Variants in NTNG2 observed in about 807,000 individuals in gnomAD.
NTNG2 encodes the protein netrin-G2.
A neutral mutation model predicts 47.6 loss-of-function variants in NTNG2; 15 were observed. That is an observed-to-expected ratio of 0.32 (90% CI 0.21 to 0.49). The LOEUF is 0.49. Ranked by LOEUF, NTNG2 falls within the 20% of genes least tolerant of loss-of-function variation. NTNG2 has a pLI of 0.99. For missense variants in NTNG2, 578 were observed against 764.6 expected, an observed-to-expected ratio of 0.76 and a Z score of 2.88; for synonymous variants, 307 against 324.6, an observed-to-expected ratio of 0.95 and a Z score of 0.58.
At chr9:132,202,843 C>T (rs1838879151) in intron 3 of NTNG2, among the ~76,000 whole-genome samples, 1 of 152,174 alleles carries the variant, frequency 6.6e-6, no homozygotes, top group African/African-American at 2.4e-5. Context: ...TGCAAAGCTC[C>T]TCAAGTGAGC....
In NTNG2 at chr9:132,162,564, GAC is replaced by G. The variant is rs1300289283; in HGVS notation, c.-484+327_-484+328del. 3.5e-5 allele frequency among the ~76,000 whole-genome samples: 5 copies of G among 141,368 alleles called. No homozygotes were observed. Among genetic ancestry groups the G allele is most frequent in the African/African-American group, 5.2e-5 (2 of 38,188 alleles). 92.7% of individuals were successfully genotyped at this position (141,368 alleles called of 152,430 possible). On this transcript the variant is annotated intron_variant, in intron 1 of 7. Transcript: ENST00000393229. This position sits in a 1 kb window ranked among gnomAD's most constrained non-coding sequence, Gnocchi z 4.6. ...TGTGTGTGTGTGTGTGTGAGAGAGA[GAC>G]AGAGTGTGTGTGTGTGTGTGTGTGT...
At chr9:132,177,206 C>T (rs913333555) in intron 2 of NTNG2, among the ~76,000 whole-genome samples, 8 of 152,190 alleles carry the variant, frequency 5.3e-5, no homozygotes, top group Non-Finnish European at 1.0e-4. Context: ...AGGCTGGTCT[C>T]GAACTCCTGG....
intron 5 of NTNG2, chr9:132,238,854 C>T (rs1650222901): frequency 1.7e-6 from 1 of 578,500 alleles, no homozygotes; most frequent in African/African-American, 1.9e-5. Flanking sequence ...CCCTGGTTCC[C>T]TGCCCACAGG....
At chr9:132,191,837 C>G (rs891643236) in intron 2 of NTNG2, among the ~76,000 whole-genome samples, 1 of 152,214 alleles carries the variant, frequency 6.6e-6, no homozygotes, top group African/African-American at 2.4e-5. Context: ...TCCCAGAGTG[C>G]TTGGATTACG....
intron 2 of NTNG2, among the ~76,000 whole-genome samples, chr9:132,174,364 G>A (rs75287598): frequency 8.9e-5 from 13 of 145,576 alleles, no homozygotes; most frequent in Admixed American, 2.7e-4. Flanking sequence ...CAGATTAGAC[G>A]GACAGATGGA....
At chr9:132,230,671 G>T (rs1790128382) in intron 5 of NTNG2, 76 bp downstream of exon 5, 4 of 1,474,716 alleles carry the variant, frequency 2.7e-6, no homozygotes, top group Non-Finnish European at 2.8e-6. Flanking sequence ...AAAAGCTGGA[G>T]AGAAAAAAGG....
chr9:132,169,742 G>A (rs1009229341), intron 2 of NTNG2, among the ~76,000 whole-genome samples: 4 of 152,188 alleles, frequency 2.6e-5, no homozygotes, highest in African/African-American at 4.8e-5. Context: ...CCGTGCTGCC[G>A]TGGTACGTGC....
chr9:132,242,057 C>T lies in NTNG2; in HGVS notation c.1539C>T (p.Ala513=). Residue 513 remains alanine, a synonymous_variant, in exon 8 of 8, where the codon GCC becomes GCT. Transcript: ENST00000393229. The surrounding 1 kb of genome is among the most constrained non-coding windows in gnomAD (Gnocchi z 5.9). ...CGCCCGGGGCCGCCCCGCGCCCCGC[C>T]ACCCTGCTCGGCTGCCTGCTGCTGC... The part of the protein sequence containing the change: ...DRAPGAAPRP[A]TLLGCLLLLG... The T allele has an allele frequency of 2.4e-6, 3 of 1,243,852 alleles. No individual in the cohort carries two copies. Among genetic ancestry groups the T allele is most frequent in the Non-Finnish European group, 2.0e-6 (2 of 996,980 alleles). The allele number at this position is 1,243,852 out of a possible 1,614,324, so 77.1% of individuals were successfully genotyped here. A position where few individuals can be genotyped will look rare whatever the true frequency, so the allele number is the denominator to read the frequency against.
intron 2 of NTNG2, among the ~76,000 whole-genome samples, chr9:132,181,971 TGTGC>T (rs1460751048): frequency 1.3e-5 from 2 of 152,178 alleles, no homozygotes; most frequent in East Asian, 3.9e-4. Context: ...TGTGTGTGTG[TGTGC>T]GTGCGTGCAG....
intron 3 of NTNG2, among the ~76,000 whole-genome samples, chr9:132,220,461 C>CTT (rs201197800): frequency 9.2e-4 from 127 of 137,494 alleles, no homozygotes; most frequent in Middle Eastern, 7.6e-3. Flanking sequence ...TTTCCTTCTT[C>CTT]TTTTTTTTTT....
intron 2 of NTNG2, among the ~76,000 whole-genome samples, chr9:132,174,472 T>C (rs576364824): frequency 6.6e-6 from 1 of 152,204 alleles, no homozygotes; most frequent in African/African-American, 2.4e-5. Flanking sequence ...ACTTCTGGGA[T>C]GTGGGACTTG....
intron 2 of NTNG2, among the ~76,000 whole-genome samples, chr9:132,185,684 G>A (rs1021820853): frequency 3.3e-5 from 5 of 151,192 alleles, no homozygotes; most frequent in South Asian, 2.1e-4. Flanking sequence ...CTTCTCTCCC[G>A]TTCTTTCATC....
chr9:132,198,357 G>T lies in NTNG2; in HGVS notation c.605G>T (p.Trp202Leu). 6.2e-7 allele frequency: 1 copy of T among 1,612,908 alleles called. No individual in the cohort carries two copies. ...CTCTGCACCGAGGAGTACTCGCGCT[G>T]GGCAGGCTCCAAGAAGGAGAAGCAC... ...RVLCTEEYSR[W>L]AGSKKEKHVR... Residue 202 changes from tryptophan (W) to leucine (L), a missense_variant, in exon 3 of 8, where the codon TGG becomes TTG. Coordinates refer to ENST00000393229, the MANE Select transcript of NTNG2 (RefSeq NM_032536.4).
rs564790182 is a variant in NTNG2 at position 132,226,906 on chromosome 9, C to T, written c.915C>T (p.Cys305=). 10 of 1,612,664 alleles carry T rather than the reference C, an allele frequency of 6.2e-6. No homozygotes were observed. Among genetic ancestry groups the T allele is most frequent in the African/African-American group, 2.7e-5 (2 of 75,018 alleles). ...CCATGCGCGAGGGCAGCCTGCAGTGCGAGTGCGAGCACAACACCACCGGCC... is the reference window on the plus strand; with the variant it reads ...CCATGCGCGAGGGCAGCCTGCAGTGTGAGTGCGAGCACAACACCACCGGCC... The part of the protein sequence containing the change: ...LCSMREGSLQ[C]ECEHNTTGPD... The change falls in exon 4 of 8, where the codon TGC becomes TGT. Residue 305 remains cysteine, a synonymous_variant. Transcript: ENST00000393229. This position sits in a 1 kb window ranked among gnomAD's most constrained non-coding sequence, Gnocchi z 4.8.
In NTNG2 at chr9:132,182,257, A is replaced by G. The variant is rs182473701; in HGVS notation, c.213+15213A>G. Among the ~76,000 whole-genome samples, 1 of 152,352 alleles carries G rather than the reference A, an allele frequency of 6.6e-6. No homozygotes were observed. The highest frequency in any genetic ancestry group is 2.4e-5 in the African/African-American group (1 of 41,582). On this transcript the variant is annotated intron_variant, in intron 2 of 7. Coordinates refer to ENST00000393229, the MANE Select transcript of NTNG2 (RefSeq NM_032536.4). This position sits in a 1 kb window ranked among gnomAD's most constrained non-coding sequence, Gnocchi z 4.2. ...TTTTTCTGGGGAAGGAGTGGGGGAA[A>G]AAATTGCACCCAACAATGGACAATA...
chr9:132,178,589 C>T (rs1297146123), intron 2 of NTNG2, among the ~76,000 whole-genome samples: 24 of 151,960 alleles, frequency 1.6e-4, no homozygotes. Context: ...CTGCCCCAGG[C>T]CCCGAGTTCC....
intron 2 of NTNG2, among the ~76,000 whole-genome samples, chr9:132,168,366 C>T (rs1268306660): frequency 1.3e-5 from 2 of 152,178 alleles, no homozygotes; most frequent in Admixed American, 1.3e-4. Context: ...GCCTCCAGGT[C>T]TCTGGGTTTG....
Position 132,240,993 on chromosome 9 carries a change from C to A in NTNG2, c.1306C>A (p.Pro436Thr). 6.2e-7 allele frequency: 1 copy of A among 1,610,512 alleles called. No homozygotes were observed. Among genetic ancestry groups the A allele is most frequent in the Non-Finnish European group, 8.5e-7 (1 of 1,179,492 alleles). Reference protein sequence around the residue: ...FCECREGAAGPKCDDCLPTHY... With the variant: ...FCECREGAAGTKCDDCLPTHY... The stretch of plus-strand genomic sequence containing the variant: ...CGAGTGCCGCGAGGGCGCGGCGGGC[C>A]CCAAGTGCGACGACTGCCTCCCCAC... The change falls in exon 7 of 8, where the codon CCC becomes ACC. Residue 436 changes from proline to threonine, a missense_variant. Pro to Thr is a conservative substitution (Grantham distance 38). Transcript: ENST00000393229.
intron 2 of NTNG2, among the ~76,000 whole-genome samples, chr9:132,174,578 G>A (rs112401031): frequency 3.3e-5 from 5 of 152,218 alleles, no homozygotes; most frequent in Admixed American, 6.5e-5. Flanking sequence ...CAAATAAGAC[G>A]AGACCAGGCG....
Sources: allele counts gnomAD v4.1 joint callset (sites outside exome capture counted in the v4.1 genomes callset), GRCh38; gene constraint gnomAD v4.1.1; non-coding constraint Gnocchi (gnomAD v3.1); transcripts MANE v1.5; gene names NCBI Gene and HGNC (gene_info 2026-07-23, HGNC 2026-07-21).